MOXD1: variants seen among roughly 807,000 people sequenced by gnomAD.
MOXD1 encodes DBH-like monooxygenase protein 1.
Under a neutral mutation model 66.6 loss-of-function variants are expected in MOXD1, and 62 were observed. That is an observed-to-expected ratio of 0.93 (90% CI 0.76 to 1.15). The LOEUF (loss-of-function observed/expected upper bound fraction) is 1.15. MOXD1 is among the 50% of genes most tolerant of loss of function. MOXD1 has a pLI of 0.00. For missense variants in MOXD1, 847 were observed against 754.6 expected, an observed-to-expected ratio of 1.12 and a Z score of -1.44; for synonymous variants, 303 against 281.9, an observed-to-expected ratio of 1.07 and a Z score of -0.75.
intron 7 of MOXD1, 33 bp downstream of exon 7, chr6:132,323,898 G>A (rs1260701415): frequency 1.9e-6 from 3 of 1,543,114 alleles, no homozygotes; most frequent in African/African-American, 1.4e-5. Flanking sequence ...TGATGAATCT[G>A]CAGAGAGCAG....
At chr6:132,372,405 G>A (rs530639177) in intron 4 of MOXD1, among the ~76,000 whole-genome samples, 6 of 152,084 alleles carry the variant, frequency 3.9e-5, no homozygotes, top group Non-Finnish European at 8.8e-5. Flanking sequence ...TGTAAAATTA[G>A]GAGATAACCA....
intron 11 of MOXD1, 88 bp from the exon 12 acceptor site, chr6:132,297,405 G>C: frequency 7.5e-7 from 1 of 1,336,250 alleles, no homozygotes; most frequent in Non-Finnish European, 1.0e-6. Flanking sequence ...CACTTCTGCA[G>C]GGGATAAAGG....
chr6:132,377,106 T>C (rs1776406391), intron 1 of MOXD1, among the ~76,000 whole-genome samples: 1 of 152,180 alleles, frequency 6.6e-6, no homozygotes. Context: ...TTTTTTTCTG[T>C]CTCCAGAAAT....
intron 10 of MOXD1, among the ~76,000 whole-genome samples, chr6:132,307,883 T>A (rs893476598): frequency 6.6e-6 from 1 of 151,904 alleles, no homozygotes; most frequent in African/African-American, 2.4e-5. Flanking sequence ...AAGAAGGAAA[T>A]TTATAGCACT....
chr6:132,324,060 T>G lies in MOXD1; in HGVS notation c.984A>C (p.Thr328=). ...CAGCATCATATTTCCTTATATCCAT[T>G]GTGTAAAATAACCTCAGTCCAGAAT... ...IDNSGLRLFY[T]MDIRKYDAGV... is the part of the protein sequence containing the mutation. The change falls in exon 7 of 12, where the codon ACA becomes ACC. Residue 328 remains threonine, a synonymous_variant. Transcript: ENST00000367963. 6.2e-7 allele frequency: 1 copy of G among 1,613,778 alleles called. No individual in the cohort carries two copies. Among genetic ancestry groups the G allele is most frequent in the Non-Finnish European group, 8.5e-7 (1 of 1,179,836 alleles).
chr6:132,301,666 A>C (rs2114525376), intron 10 of MOXD1, among the ~76,000 whole-genome samples: 1 of 152,270 alleles, frequency 6.6e-6, no homozygotes, highest in African/African-American at 2.4e-5. Flanking sequence ...ACTATATTAC[A>C]CACTCTCCAT....
At chr6:132,372,068 G>A (rs1021755873) in intron 4 of MOXD1, among the ~76,000 whole-genome samples, 3 of 152,132 alleles carry the variant, frequency 2.0e-5, no homozygotes, top group Admixed American at 6.6e-5. Flanking sequence ...TTCCAGAAGG[G>A]TGGAAAATAA....
intron 11 of MOXD1, 52 bp downstream of exon 11, chr6:132,297,735 A>G (rs929915488): frequency 6.6e-7 from 1 of 1,519,400 alleles, no homozygotes; most frequent in Non-Finnish European, 8.8e-7. Flanking sequence ...TTCCTGTAAT[A>G]GATTCAGATA....
At chr6:132,319,516 T>G (rs1562280742) in intron 9 of MOXD1, among the ~76,000 whole-genome samples, 1 of 152,068 alleles carries the variant, frequency 6.6e-6, no homozygotes, top group East Asian at 1.9e-4. Flanking sequence ...AAATTGTATT[T>G]TCTTGAGATA....
intron 7 of MOXD1, 64 bp downstream of exon 7, chr6:132,323,867 C>A: frequency 1.4e-6 from 2 of 1,448,814 alleles, no homozygotes; most frequent in East Asian, 2.5e-5. Context: ...GAATTTTTCA[C>A]ACCACAGTTT....
chr6:132,368,147 AC>A (rs1304205991), intron 4 of MOXD1, among the ~76,000 whole-genome samples: 1 of 151,970 alleles, frequency 6.6e-6, no homozygotes, highest in Non-Finnish European at 1.5e-5. Context: ...CAATTCAATA[AC>A]CCCCATTTCT....
chr6:132,333,674 A>G (rs1466324035), intron 4 of MOXD1, among the ~76,000 whole-genome samples: 3 of 152,204 alleles, frequency 2.0e-5, no homozygotes, highest in Admixed American at 6.5e-5. Flanking sequence ...ACAAACATGG[A>G]AATTCCCCTG....
chr6:132,328,797 C>A (rs974372137), intron 4 of MOXD1, among the ~76,000 whole-genome samples: 1 of 152,114 alleles, frequency 6.6e-6, no homozygotes, highest in Non-Finnish European at 1.5e-5. Context: ...ACGGCAACAA[C>A]AAAGATGAGA....
intron 4 of MOXD1, among the ~76,000 whole-genome samples, chr6:132,363,124 C>T (rs997351358): frequency 6.6e-5 from 10 of 151,866 alleles, no homozygotes; most frequent in African/African-American, 9.7e-5. Flanking sequence ...GCATTAATTC[C>T]GTAGGACTCA....
At position 132,311,298 on chromosome 6, in the gene MOXD1, T is replaced by A. The variant is rs1465031896; in HGVS notation, c.1508+4337A>T. Among the ~76,000 whole-genome samples the A allele has an allele frequency of 3.3e-5, 5 of 152,068 alleles. No homozygotes were observed. In the East Asian group the frequency reaches 7.7e-4, roughly 23 times the overall value. On this transcript the variant is annotated intron_variant, in intron 10 of 11. Transcript: ENST00000367963. Reference sequence around the variant, plus strand: ...ATTTAAAAACTCATTAATGTAGAAATCATAAAGATTAGGGTTATCATTGAA... The same window carrying A: ...ATTTAAAAACTCATTAATGTAGAAAACATAAAGATTAGGGTTATCATTGAA...
At chr6:132,310,604 C>G (rs1391081345) in intron 10 of MOXD1, among the ~76,000 whole-genome samples, 1 of 152,114 alleles carries the variant, frequency 6.6e-6, no homozygotes, top group Non-Finnish European at 1.5e-5. Context: ...CCCAAATGCC[C>G]ATCAGTAATA....
At chr6:132,321,210 G>A (rs1775071905) in intron 8 of MOXD1, among the ~76,000 whole-genome samples, 1 of 151,704 alleles carries the variant, frequency 6.6e-6, no homozygotes, top group African/African-American at 2.4e-5. Flanking sequence ...GTTGCAGTGA[G>A]CCGAGATCGC....
At chr6:132,386,433 CAAAAAAAAAAAACA>C (rs1582609373) in intron 1 of MOXD1, among the ~76,000 whole-genome samples, 2 of 65,118 alleles carry the variant, frequency 3.1e-5, no homozygotes, top group East Asian at 5.2e-4. Flanking sequence ...CAAAACAAAA[CAAAAAAAAAAAACA>C]AAAAAAAAAC....
intron 1 of MOXD1, chr6:132,375,059 T>C: frequency 1.9e-6 from 1 of 524,290 alleles, no homozygotes; most frequent in Non-Finnish European, 3.4e-6. Context: ...CTTTCCTTCC[T>C]TGGAAAAATT....
Sources: allele counts gnomAD v4.1 joint callset (sites outside exome capture counted in the v4.1 genomes callset), GRCh38; gene constraint gnomAD v4.1.1; transcripts MANE v1.5; gene names NCBI Gene and HGNC (gene_info 2026-07-23, HGNC 2026-07-21).